Variants in SULF2 observed in about 807,000 individuals in gnomAD.
The protein encoded by SULF2 is sulfatase 2, also known as extracellular sulfatase Sulf-2.
SULF2 carries 52 observed loss-of-function variants against 107.7 expected under a neutral mutation model. That is an observed-to-expected ratio of 0.48 (90% CI 0.39 to 0.61). The LOEUF (loss-of-function observed/expected upper bound fraction) is 0.61. SULF2 is among the 20% of genes least tolerant of loss of function. The pLI is 0.00. For missense variants in SULF2, 993 were observed against 1,177.3 expected (o/e 0.84, Z 2.29); for synonymous variants, 460 against 464.3 (o/e 0.99, Z 0.12).
chr20:47,757,352 C>A lies in SULF2; in HGVS notation c.12G>T (p.Pro4=), dbSNP rs536467065. The change falls in exon 2 of 21, where the codon CCG becomes CCT. Residue 4 remains proline (P), a synonymous_variant. Transcript: ENST00000688720. The stretch of plus-strand genomic sequence containing the variant: ...CGGACAGCAAGCACAGCACGAGGCT[C>A]GGGGGGCCCATCTTCTTTTTTTGCT... The part of the protein sequence containing the change: MGP[P]SLVLCLLSAT... 1 of 1,591,416 alleles carries A rather than the reference C, an allele frequency of 6.3e-7. No homozygotes were observed. The highest frequency in any genetic ancestry group is 2.3e-5 in the East Asian group (1 of 44,104).
At position 47,666,062 on chromosome 20, in the gene SULF2, C is replaced by T. The variant is rs202179191; in HGVS notation, c.1806-109G>A. The T allele has an allele frequency of 2.3e-4, 360 of 1,593,296 alleles. No individual in the cohort carries two copies. Among genetic ancestry groups the T allele is most frequent in the Non-Finnish European group, 2.8e-4 (329 of 1,162,722 alleles). Reference sequence around the variant, plus strand: ...GCCGAGGTCTGTCCTGTCCCCTTCACCCTCGACTTCCACCTGGACACTCAC... The same window carrying T: ...GCCGAGGTCTGTCCTGTCCCCTTCATCCTCGACTTCCACCTGGACACTCAC... On this transcript the variant is annotated intron_variant, in intron 12 of 20. Transcript: ENST00000688720. The surrounding 1 kb of genome is among the most constrained non-coding windows in gnomAD (Gnocchi z 5.4).
Position 47,663,164 on chromosome 20 carries a change from C to CA in SULF2, c.2275dup (p.Cys759LeufsTer7). ...GTGAGTCTCATTGATGGTCCTCATG[C>CA]ACCAGTACGTGTTATTGTTGGCGCT... On this transcript the variant is annotated frameshift_variant, in exon 17 of 21. Coordinates refer to ENST00000688720, the MANE Select transcript of SULF2 (RefSeq NM_001387048.1). LOFTEE classifies it high-confidence loss of function. The CA allele has an allele frequency of 6.2e-7, 1 of 1,614,166 alleles. No homozygotes were observed. Among genetic ancestry groups the CA allele is most frequent in the Non-Finnish European group, 8.5e-7 (1 of 1,180,032 alleles).
intron 2 of SULF2, among the ~76,000 whole-genome samples, chr20:47,744,074 C>A (rs1386700555): frequency 6.6e-6 from 1 of 152,102 alleles, no homozygotes; most frequent in Non-Finnish European, 1.5e-5. Context: ...GCTACAGATT[C>A]TTAGGGGACA....
At chr20:47,759,470 T>A (rs1327079944) in intron 1 of SULF2, among the ~76,000 whole-genome samples, 1 of 152,174 alleles carries the variant, frequency 6.6e-6, no homozygotes, top group Non-Finnish European at 1.5e-5. Flanking sequence ...GGCAGGTGGA[T>A]CACCTGAGGT....
chr20:47,769,983 C>T lies in SULF2; in HGVS notation c.-100-12520G>A, dbSNP rs531772812. 1.2e-4 allele frequency among the ~76,000 whole-genome samples: 18 copies of T among 148,992 alleles called. No homozygotes were observed. In the South Asian group the frequency reaches 3.9e-3, roughly 32 times the overall value. On this transcript the variant is annotated intron_variant, in intron 1 of 20. Coordinates refer to ENST00000688720, the MANE Select transcript of SULF2 (RefSeq NM_001387048.1). The stretch of plus-strand genomic sequence containing the variant: ...CTGAGGGAGGGCCGGAAAGGGGGCA[C>T]GCATGGCGGCACGGAGCTGAGTGAA...
intron 2 of SULF2, among the ~76,000 whole-genome samples, chr20:47,753,350 A>C (rs1258249761): frequency 6.6e-6 from 1 of 152,224 alleles, no homozygotes; most frequent in African/African-American, 2.4e-5. Context: ...TGGGACCCCC[A>C]CATCAAAAGC....
At chr20:47,723,297 C>G (rs568233251) in intron 3 of SULF2, among the ~76,000 whole-genome samples, 8 of 151,148 alleles carry the variant, frequency 5.3e-5, no homozygotes, top group Non-Finnish European at 1.0e-4. Flanking sequence ...TTCAAGGGGG[C>G]GAGAAGTCCT....
chr20:47,721,907 G>A (rs6125088), intron 3 of SULF2, among the ~76,000 whole-genome samples: 1 of 152,272 alleles, frequency 6.6e-6, no homozygotes, highest in East Asian at 1.9e-4. Context: ...TTGGGTGAAA[G>A]AGACATAAGA....
intron 1 of SULF2, among the ~76,000 whole-genome samples, chr20:47,784,584 C>T (rs925851457): frequency 2.0e-5 from 3 of 152,160 alleles, no homozygotes; most frequent in South Asian, 2.1e-4. Context: ...TCCCAGTGAA[C>T]CGGCAGCTTC....
chr20:47,748,673 T>A (rs772546450), intron 2 of SULF2, among the ~76,000 whole-genome samples: 1 of 152,132 alleles, frequency 6.6e-6, no homozygotes, highest in Non-Finnish European at 1.5e-5. Context: ...TGGATTTGAC[T>A]GACAAGGGCC....
At chr20:47,752,908 C>T (rs1282910976) in intron 2 of SULF2, among the ~76,000 whole-genome samples, 4 of 152,018 alleles carry the variant, frequency 2.6e-5, no homozygotes. Context: ...CGAGGCCAAC[C>T]TGGCCAACAT....
At chr20:47,773,676 C>T (rs1327213289) in intron 1 of SULF2, among the ~76,000 whole-genome samples, 2 of 152,240 alleles carry the variant, frequency 1.3e-5, no homozygotes, top group African/African-American at 4.8e-5. Flanking sequence ...CAGGGAGTTA[C>T]AAAGTTATTT....
At chr20:47,727,963 G>A (rs542603847) in intron 3 of SULF2, among the ~76,000 whole-genome samples, 5 of 152,356 alleles carry the variant, frequency 3.3e-5, no homozygotes, top group South Asian at 4.1e-4. Context: ...CGGCAAATCC[G>A]TGCCTCTCGA....
rs138963767 is a variant in SULF2 at position 47,680,845 on chromosome 20, C to G, written c.1065-2041G>C. On this transcript the variant is annotated intron_variant, in intron 7 of 20. Transcript: ENST00000688720. This position sits in a 1 kb window ranked among gnomAD's most constrained non-coding sequence, Gnocchi z 4.2. ...GGGAAGGAGGACAGTGGTTGCTTTT[C>G]CTGGCCAGCACCAATGCCTTGCTCT... is the stretch of plus-strand genomic sequence containing the variant. Among the ~76,000 whole-genome samples, 2 of 152,326 alleles carry G rather than the reference C, an allele frequency of 1.3e-5. No individual in the cohort carries two copies. The highest frequency in any genetic ancestry group is 2.9e-5 in the Non-Finnish European group (2 of 68,030).
intron 1 of SULF2, among the ~76,000 whole-genome samples, chr20:47,778,974 T>G (rs2090773539): frequency 6.6e-6 from 1 of 152,264 alleles, no homozygotes; most frequent in African/African-American, 2.4e-5. Context: ...GCTGCAGACA[T>G]CCACGTTCAC....
intron 1 of SULF2, among the ~76,000 whole-genome samples, chr20:47,778,601 G>C (rs777433242): frequency 6.6e-6 from 1 of 150,952 alleles, no homozygotes; most frequent in Non-Finnish European, 1.5e-5. Flanking sequence ...CACCCAGAAG[G>C]CATCGTGCTG....
intron 1 of SULF2, among the ~76,000 whole-genome samples, chr20:47,759,288 C>T (rs1470590104): frequency 6.6e-6 from 1 of 152,184 alleles, no homozygotes; most frequent in Non-Finnish European, 1.5e-5. Flanking sequence ...AGATCTGGCC[C>T]CTGCCCACTT....
chr20:47,676,749 G>A, intron 9 of SULF2, 126 bp from the exon 10 acceptor site: 24 of 1,168,210 alleles, frequency 2.1e-5, no homozygotes, highest in Non-Finnish European at 2.8e-5. Flanking sequence ...GAGGGCGCAG[G>A]GCCACCTGCC....
At chr20:47,767,127 T>C (rs1417154269) in intron 1 of SULF2, among the ~76,000 whole-genome samples, 1 of 152,164 alleles carries the variant, frequency 6.6e-6, no homozygotes, top group Non-Finnish European at 1.5e-5. Context: ...GCTCCGTCAC[T>C]TACTAGAGGT....
Sources: gnomAD v4.1 joint callset for allele counts (sites outside exome capture counted in the v4.1 genomes callset) on GRCh38, gnomAD v4.1.1 for gene constraint, Gnocchi (gnomAD v3.1) non-coding constraint, MANE v1.5 for transcripts, NCBI Gene and HGNC (gene_info 2026-07-23, HGNC 2026-07-21) for gene names.